PEAK1: variants seen among roughly 807,000 people sequenced by gnomAD.
The protein encoded by PEAK1 is pseudopodium enriched atypical kinase 1, also known as inactive tyrosine-protein kinase PEAK1.
Under a neutral mutation model 124.7 loss-of-function variants are expected in PEAK1, and 54 were observed. The ratio of observed to expected loss-of-function variants is 0.43; its 90% CI spans 0.35 to 0.54. The LOEUF is 0.54. Ranked by LOEUF, PEAK1 falls within the 20% of genes least tolerant of loss-of-function variation. The probability of loss-of-function intolerance (pLI) is 0.01; values close to 1 mark genes in which losing one functional copy is unlikely to be tolerated. For missense variants in PEAK1, 2,046 were observed against 2,134.5 expected (o/e 0.96, Z 0.82); for synonymous variants, 719 against 760.0 (o/e 0.95, Z 0.89).
rs1010233082 is a variant in PEAK1 at position 77,275,214 on chromosome 15, G to A, written c.-275+8669C>T. Among the ~76,000 whole-genome samples, 9 of 152,254 alleles carry A rather than the reference G, an allele frequency of 5.9e-5. No homozygotes were observed. In the East Asian group the frequency reaches 1.2e-3, roughly 20 times the overall value. The stretch of plus-strand genomic sequence containing the variant: ...TAAAAGACTACACATTGGGTACAGC[G>A]TGTACTTCTAGGGTGATAGGTGCAC... On this transcript the variant is annotated intron_variant, in intron 5 of 9. Transcript: ENST00000682557.
At chr15:77,304,727 A>G (rs2063988823) in intron 2 of PEAK1, among the ~76,000 whole-genome samples, 1 of 152,126 alleles carries the variant, frequency 6.6e-6, no homozygotes, top group Admixed American at 6.5e-5. Flanking sequence ...GATTACAGGC[A>G]TAAGCCACCA....
intron 1 of PEAK1, among the ~76,000 whole-genome samples, chr15:77,386,900 G>A (rs2069994797): frequency 2.6e-5 from 4 of 152,108 alleles, no homozygotes; most frequent in Non-Finnish European, 5.9e-5. Flanking sequence ...CTGGAAATCA[G>A]CAGATGGAGA....
At chr15:77,206,666 A>ATGG (rs1294507336) in intron 6 of PEAK1, among the ~76,000 whole-genome samples, 1 of 149,950 alleles carries the variant, frequency 6.7e-6, no homozygotes, top group African/African-American at 2.5e-5. Context: ...CCACTTTTTG[A>ATGG]TGGGGTTGTT....
intron 8 of PEAK1, among the ~76,000 whole-genome samples, chr15:77,138,105 T>A (rs532733072): frequency 6.6e-6 from 1 of 152,332 alleles, no homozygotes; most frequent in Admixed American, 6.5e-5. Flanking sequence ...TCCCCAGCCA[T>A]GTGGAACTGT....
At chr15:77,169,238 T>C (rs2056336405) in intron 7 of PEAK1, among the ~76,000 whole-genome samples, 2 of 152,104 alleles carry the variant, frequency 1.3e-5, no homozygotes, top group South Asian at 2.1e-4. Flanking sequence ...GAACTGAAAA[T>C]TTAAGCACAG....
intron 6 of PEAK1, among the ~76,000 whole-genome samples, chr15:77,218,469 C>T (rs566975124): frequency 5.2e-4 from 79 of 151,740 alleles, no homozygotes; most frequent in African/African-American, 1.6e-3. Flanking sequence ...AACACTGCAA[C>T]CCTGGGATGA....
intron 2 of PEAK1, among the ~76,000 whole-genome samples, chr15:77,324,424 T>A (rs2065439103): frequency 6.6e-6 from 1 of 152,146 alleles, no homozygotes; most frequent in Admixed American, 6.5e-5. Context: ...GAGGCTGCTG[T>A]GAGCTGAGAT....
At position 77,184,025 on chromosome 15, in the gene PEAK1, T is replaced by C. The variant is rs1276710276; in HGVS notation, c.-114-1985A>G. On this transcript the variant is annotated intron_variant, in intron 6 of 9. Coordinates refer to ENST00000682557, the MANE Select transcript of PEAK1 (RefSeq NM_001385026.1). ...CTATTTTTTTTATAGAGATGGGGTT[T>C]CTCCATGTTGTCCAGGGTGGTCTCA... is the stretch of plus-strand genomic sequence containing the variant. 2.0e-5 allele frequency among the ~76,000 whole-genome samples: 3 copies of C among 151,894 alleles called. No individual in the cohort carries two copies. The East Asian group carries it at 5.8e-4, about 29-fold the overall frequency.
chr15:77,373,844 C>T (rs551470391), intron 1 of PEAK1, among the ~76,000 whole-genome samples: 3 of 152,124 alleles, frequency 2.0e-5, no homozygotes, highest in African/African-American at 7.2e-5. Context: ...TATCAATGGC[C>T]CAGGGTCAAT....
chr15:77,409,067 T>C (rs892803345), intron 1 of PEAK1, among the ~76,000 whole-genome samples: 3 of 152,102 alleles, frequency 2.0e-5, no homozygotes, highest in South Asian at 2.1e-4. Flanking sequence ...TGAGACCCCA[T>C]CTCAAAAACA....
chr15:77,192,025 T>C (rs771177970), intron 6 of PEAK1, among the ~76,000 whole-genome samples: 2 of 152,172 alleles, frequency 1.3e-5, no homozygotes, highest in Non-Finnish European at 2.9e-5. Context: ...TAGAAAATCA[T>C]GAGACAGATG....
chr15:77,352,393 G>A, intron 2 of PEAK1: 1 of 985,198 alleles, frequency 1.0e-6, no homozygotes. Context: ...ATGGCCCTGA[G>A]TCCACTTCCA....
intron 2 of PEAK1, among the ~76,000 whole-genome samples, chr15:77,305,968 C>T (rs553087726): frequency 6.6e-6 from 1 of 152,270 alleles, no homozygotes; most frequent in South Asian, 2.1e-4. Flanking sequence ...TATTAGGTTA[C>T]TGCAGAACCA....
intron 8 of PEAK1, among the ~76,000 whole-genome samples, chr15:77,152,412 T>TA (rs2054724602): frequency 6.6e-6 from 1 of 152,120 alleles, no homozygotes; most frequent in South Asian, 2.1e-4. Flanking sequence ...GTTTTCTAGA[T>TA]ATACAATCAT....
At chr15:77,152,801 G>A (rs1416334804) in intron 8 of PEAK1, among the ~76,000 whole-genome samples, 1 of 152,022 alleles carries the variant, frequency 6.6e-6, no homozygotes, top group Admixed American at 6.6e-5. Flanking sequence ...TTATTGATTT[G>A]CGAATGTTGA....
chr15:77,241,650 A>T (rs1567156234), intron 6 of PEAK1, among the ~76,000 whole-genome samples: 1 of 152,122 alleles, frequency 6.6e-6, no homozygotes, highest in Non-Finnish European at 1.5e-5. Context: ...ACATAGAAAA[A>T]TCAATTGTAT....
At position 77,181,912 on chromosome 15, in the gene PEAK1, G is replaced by A. The variant is rs2054158937; in HGVS notation, c.15C>T (p.Asn5=). 1.9e-6 allele frequency: 3 copies of A among 1,556,026 alleles called. No homozygotes were observed. The highest frequency in any genetic ancestry group is 1.8e-4 in the Middle Eastern group (1 of 5,672). The stretch of plus-strand genomic sequence containing the variant: ...GTTTCCAAACATGTTCAGTAAAGGT[G>A]TTACAAGCAGACATTTTTAAAAATA... MSAC[N]TFTEHVWKPG... The change falls in exon 7 of 10, where the codon AAC becomes AAT. Residue 5 remains asparagine (N), a synonymous_variant. Coordinates refer to ENST00000682557, the MANE Select transcript of PEAK1 (RefSeq NM_001385026.1).
At chr15:77,285,483 AC>A (rs1307921170) in intron 3 of PEAK1, among the ~76,000 whole-genome samples, 5 of 152,234 alleles carry the variant, frequency 3.3e-5, no homozygotes, top group Admixed American at 2.6e-4. Context: ...TTGCACAACA[AC>A]TAAACCTAAA....
intron 2 of PEAK1, among the ~76,000 whole-genome samples, chr15:77,359,781 TA>T (rs547954643): frequency 1.2e-4 from 19 of 152,222 alleles, no homozygotes; most frequent in South Asian, 1.2e-3. Context: ...TGAAAGAAAT[TA>T]AAGACCTAAA....
Sources: allele counts gnomAD v4.1 joint callset (sites outside exome capture counted in the v4.1 genomes callset), GRCh38; gene constraint gnomAD v4.1.1; transcripts MANE v1.5; gene names NCBI Gene and HGNC (gene_info 2026-07-23, HGNC 2026-07-21).